Variants in DCC observed in about 807,000 individuals in gnomAD.
DCC encodes the protein netrin receptor DCC.
Under a neutral mutation model 172.5 loss-of-function variants are expected in DCC, and 58 were observed. The observed-to-expected ratio is 0.34, with a 90% CI of 0.27 to 0.42. The LOEUF is 0.42. Among genes scored for constraint, DCC ranks in the 10% least tolerant of loss-of-function variants. The pLI, the probability that DCC is intolerant of heterozygous loss-of-function variation, is 1.00. For missense variants in DCC, 1,740 were observed against 1,791.0 expected (o/e 0.97, Z 0.51); for synonymous variants, 709 against 644.5 (o/e 1.10, Z -1.52).
intron 13 of DCC, among the ~76,000 whole-genome samples, chr18:53,306,313 A>G (rs6508222): frequency 0.16 from 23,798 of 152,210 alleles, 2,637 homozygotes; most frequent in African/African-American, 0.31. Flanking sequence ...AATAACTACA[A>G]CCTTTAATTC....
intron 5 of DCC, among the ~76,000 whole-genome samples, chr18:52,939,144 G>A (rs184164048): frequency 4.1e-4 from 62 of 152,158 alleles, no homozygotes; most frequent in Non-Finnish European, 4.6e-4. Flanking sequence ...TATTCACTAG[G>A]ATCTATCAAT....
chr18:52,560,004 G>A (rs1213247609), intron 1 of DCC, among the ~76,000 whole-genome samples: 4 of 152,200 alleles, frequency 2.6e-5, no homozygotes, highest in Admixed American at 1.3e-4. Context: ...CATTGTAAAT[G>A]AGTACCTCTT....
intron 15 of DCC, among the ~76,000 whole-genome samples, chr18:53,349,274 C>G (rs1230355999): frequency 6.6e-6 from 1 of 152,168 alleles, no homozygotes; most frequent in African/African-American, 2.4e-5. Context: ...CACCTTTGCT[C>G]CAGTTCCCAA....
chr18:53,051,919 A>T (rs895728166), intron 5 of DCC, among the ~76,000 whole-genome samples: 1 of 152,054 alleles, frequency 6.6e-6, no homozygotes, highest in Non-Finnish European at 1.5e-5. Context: ...AACTTTGAAT[A>T]TATATTCTGT....
At chr18:52,659,720 C>T (rs1388137961) in intron 1 of DCC, among the ~76,000 whole-genome samples, 2 of 152,194 alleles carry the variant, frequency 1.3e-5, no homozygotes, top group Middle Eastern at 3.4e-3. Context: ...GAACCCAATA[C>T]ATTTTTTGTT....
At chr18:52,795,671 C>CT (rs2037861298) in intron 2 of DCC, among the ~76,000 whole-genome samples, 1 of 151,510 alleles carries the variant, frequency 6.6e-6, no homozygotes, top group Non-Finnish European at 1.5e-5. Context: ...TTTCTAGTTC[C>CT]TTAAGGTGCA....
At chr18:52,839,973 C>T (rs1468682521) in intron 2 of DCC, among the ~76,000 whole-genome samples, 2 of 152,162 alleles carry the variant, frequency 1.3e-5, no homozygotes, top group Non-Finnish European at 2.9e-5. Context: ...GGCTCTAGCC[C>T]AGTGGTCCTC....
At chr18:53,487,115 AGCTCATGT>A (rs2045910336) in intron 26 of DCC, among the ~76,000 whole-genome samples, 157 bp downstream of exon 26, 1 of 152,202 alleles carries the variant, frequency 6.6e-6, no homozygotes, top group Non-Finnish European at 1.5e-5. Context: ...TTTGGATCCT[AGCTCATGT>A]GCATTTGTAC....
intron 15 of DCC, among the ~76,000 whole-genome samples, chr18:53,350,232 C>T (rs2057774522): frequency 6.6e-6 from 1 of 152,106 alleles, no homozygotes; most frequent in South Asian, 2.1e-4. Flanking sequence ...GAATCGAACT[C>T]GTTCACCGCC....
intron 7 of DCC, among the ~76,000 whole-genome samples, chr18:53,079,663 T>G (rs79576109): frequency 6.6e-6 from 1 of 152,080 alleles, no homozygotes; most frequent in Non-Finnish European, 1.5e-5. Context: ...AAAAAGGAGA[T>G]AGCACAAAGG....
intron 1 of DCC, among the ~76,000 whole-genome samples, chr18:52,440,298 G>A (rs1198403523): frequency 1.3e-5 from 2 of 152,092 alleles, no homozygotes; most frequent in African/African-American, 4.8e-5. Context: ...TCATGCTCAC[G>A]TGCTTCAGAA....
intron 13 of DCC, among the ~76,000 whole-genome samples, chr18:53,313,008 G>T (rs542904479): frequency 7.2e-6 from 1 of 139,124 alleles, no homozygotes; most frequent in Non-Finnish European, 1.6e-5. Context: ...GAGGAAGGAA[G>T]GGAGGAAGAA....
intron 5 of DCC, among the ~76,000 whole-genome samples, chr18:53,036,544 A>G (rs1168116510): frequency 6.6e-6 from 1 of 152,102 alleles, no homozygotes; most frequent in East Asian, 1.9e-4. Flanking sequence ...TCACTGTAAC[A>G]TTGTGATGTT....
intron 1 of DCC, among the ~76,000 whole-genome samples, chr18:52,438,834 G>A (rs919250776): frequency 2.6e-5 from 4 of 152,142 alleles, no homozygotes; most frequent in African/African-American, 9.7e-5. Flanking sequence ...TATGCAATAA[G>A]AGGGCTATGG....
At position 53,511,698 on chromosome 18, in the gene DCC, C is replaced by T. The variant is rs112046673; in HGVS notation, c.4111+12188C>T. ...CTTTCCGAGTCAAAGAAAGGGGTGA[C>T]GGACGGCACCTGGAAAATCGGGTCA... On this transcript the variant is annotated intron_variant, in intron 27 of 28. Coordinates refer to ENST00000442544, the MANE Select transcript of DCC (RefSeq NM_005215.4). Among the ~76,000 whole-genome samples, 256 of 152,284 alleles carry T rather than the reference C, an allele frequency of 1.7e-3. 1 individual carries two copies. The highest frequency in any genetic ancestry group is 5.8e-3 in the African/African-American group (243 of 41,552).
At chr18:53,514,159 G>A (rs532075711) in intron 27 of DCC, among the ~76,000 whole-genome samples, 7,798 of 151,982 alleles carry the variant, frequency 0.051, 673 homozygotes, top group African/African-American at 0.18. Flanking sequence ...ACTCAAAACC[G>A]CTCAACTACA....
At chr18:52,711,807 A>G (rs1212761455) in intron 1 of DCC, among the ~76,000 whole-genome samples, 1 of 152,088 alleles carries the variant, frequency 6.6e-6, no homozygotes, top group East Asian at 1.9e-4. Flanking sequence ...CCACCTGCTG[A>G]CTTTTTTTTG....
intron 7 of DCC, among the ~76,000 whole-genome samples, chr18:53,152,141 G>A (rs1290880425): frequency 6.6e-6 from 1 of 152,170 alleles, no homozygotes; most frequent in African/African-American, 2.4e-5. Flanking sequence ...AGCTAATAAA[G>A]CAGCTAGTTG....
chr18:52,743,000 TATGGACA>T (rs2036846594), intron 1 of DCC, among the ~76,000 whole-genome samples: 1 of 152,214 alleles, frequency 6.6e-6, no homozygotes, highest in Non-Finnish European at 1.5e-5. Flanking sequence ...TAAGCAAGGT[TATGGACA>T]ATTATTATGA....
Sources: allele counts gnomAD v4.1 joint callset (sites outside exome capture counted in the v4.1 genomes callset), GRCh38; gene constraint gnomAD v4.1.1; transcripts MANE v1.5; gene names NCBI Gene and HGNC (gene_info 2026-07-23, HGNC 2026-07-21).